Variants in DAB2IP observed in about 807,000 individuals in gnomAD.
DAB2IP encodes DAB2 interacting protein, also known as disabled homolog 2-interacting protein.
In DAB2IP, 28 loss-of-function variants were observed where a neutral mutation model predicts 107.2. The ratio of observed to expected loss-of-function variants is 0.26; its 90% CI spans 0.19 to 0.36. The LOEUF (loss-of-function observed/expected upper bound fraction) is 0.36. Among genes scored for constraint, DAB2IP ranks in the 10% least tolerant of loss-of-function variants. The probability of loss-of-function intolerance (pLI) is 1.00; values close to 1 mark genes in which losing one functional copy is unlikely to be tolerated. For missense variants in DAB2IP, 1,400 were observed against 1,644.7 expected (o/e 0.85, Z 2.57); for synonymous variants, 755 against 706.4 (o/e 1.07, Z -1.09).
chr9:121,743,895 A>G (rs1462713395), intron 3 of DAB2IP, among the ~76,000 whole-genome samples: 2 of 149,206 alleles, frequency 1.3e-5, no homozygotes, highest in Non-Finnish European at 3.0e-5. Flanking sequence ...GCAGACATCC[A>G]CTGCCGGCCC....
chr9:121,760,631 A>G lies in DAB2IP; in HGVS notation c.1170+192A>G, dbSNP rs1462794332. 3.9e-5 allele frequency among the ~76,000 whole-genome samples: 6 copies of G among 152,238 alleles called. No individual in the cohort carries two copies. The East Asian group carries it at 1.2e-3, about 29-fold the overall frequency. ...TACTCCTGCTCTGTGGCTGGAGCTG[A>G]TCACTGAGGCCTGTGTGGAGCCAGT... is the stretch of plus-strand genomic sequence containing the variant. On this transcript the variant is annotated intron_variant, in intron 6 of 15. Coordinates refer to ENST00000408936, the Ensembl canonical transcript of DAB2IP. This position sits in a 1 kb window ranked among gnomAD's most constrained non-coding sequence, Gnocchi z 5.9.
chr9:121,778,019 G>GGCTGCT (rs1034216592), intron 14 of DAB2IP, among the ~76,000 whole-genome samples: 2 of 152,108 alleles, frequency 1.3e-5, no homozygotes, highest in African/African-American at 4.8e-5. Flanking sequence ...GGTCCATTCA[G>GGCTGCT]GCTGCTATAA....
intron 9 of DAB2IP, among the ~76,000 whole-genome samples, chr9:121,767,492 G>A (rs988014065): frequency 6.6e-6 from 1 of 152,242 alleles, no homozygotes; most frequent in Admixed American, 6.5e-5. Flanking sequence ...CTGCATGTCA[G>A]GGTGAGGCGT....
chr9:121,708,949 T>A (rs1830192978), intron 3 of DAB2IP, among the ~76,000 whole-genome samples: 3 of 152,080 alleles, frequency 2.0e-5, no homozygotes, highest in Non-Finnish European at 4.4e-5. Context: ...GCTAGGGTAG[T>A]GGGAGGTGAT....
At chr9:121,770,276 A>G (rs910785914) in intron 10 of DAB2IP, among the ~76,000 whole-genome samples, 4 of 152,194 alleles carry the variant, frequency 2.6e-5, no homozygotes, top group Non-Finnish European at 5.9e-5. Flanking sequence ...GGGCAGGGCA[A>G]ACTGAAGGAG....
At chr9:121,739,447 T>C (rs1042186527) in intron 3 of DAB2IP, among the ~76,000 whole-genome samples, 2 of 152,192 alleles carry the variant, frequency 1.3e-5, no homozygotes, top group African/African-American at 4.8e-5. Context: ...AGTTCAGTAA[T>C]CTGATTTGCA....
chr9:121,680,611 G>A (rs1449158815), intron 2 of DAB2IP, among the ~76,000 whole-genome samples: 1 of 152,152 alleles, frequency 6.6e-6, no homozygotes, highest in Non-Finnish European at 1.5e-5. Flanking sequence ...CAGGCAGGGT[G>A]GGCCTTCAGG....
chr9:121,679,541 C>T (rs1206572607), intron 2 of DAB2IP, among the ~76,000 whole-genome samples: 1 of 151,984 alleles, frequency 6.6e-6, no homozygotes, highest in East Asian at 1.9e-4. Flanking sequence ...AGAAACGCAG[C>T]GATGACATAG....
At chr9:121,713,146 A>G (rs1830418748) in intron 3 of DAB2IP, among the ~76,000 whole-genome samples, 1 of 152,046 alleles carries the variant, frequency 6.6e-6, no homozygotes, top group African/African-American at 2.4e-5. Context: ...CATTTTATAG[A>G]TAAGGTAACT....
rs143911339 is a variant in DAB2IP, at chr9:121,678,205, C to T, written c.125-473C>T. 2.5e-4 allele frequency among the ~76,000 whole-genome samples: 38 copies of T among 152,338 alleles called. No homozygotes were observed. In the East Asian group the frequency reaches 6.6e-3, roughly 26 times the overall value. On this transcript the variant is annotated intron_variant, in intron 1 of 15. Transcript: ENST00000408936. The stretch of plus-strand genomic sequence containing the variant: ...ACTTCAAATCTGCTTTCTGTCTCTA[C>T]GAATTGGCCTCTTCTAGATAGTTCA...
At chr9:121,570,977 G>A (rs1829926200) in intron 1 of DAB2IP, among the ~76,000 whole-genome samples, 1 of 151,984 alleles carries the variant, frequency 6.6e-6, no homozygotes, top group South Asian at 2.1e-4. Flanking sequence ...GCTCCTTCAT[G>A]ATTGAACTCT....
chr9:121,677,808 C>T (rs1296409823), intron 1 of DAB2IP, among the ~76,000 whole-genome samples: 1 of 152,008 alleles, frequency 6.6e-6, no homozygotes, highest in African/African-American at 2.4e-5. Context: ...ACTACAGGCA[C>T]ACAACACCAC....
intron 9 of DAB2IP, among the ~76,000 whole-genome samples, chr9:121,767,809 G>A (rs950132781): frequency 1.3e-5 from 2 of 152,206 alleles, no homozygotes; most frequent in African/African-American, 4.8e-5. Context: ...AGGGAGGGGA[G>A]CGGGTACAGG....
rs572737397 is a variant in DAB2IP, at chr9:121,742,550, T to C, written c.363-14463T>C. Among the ~76,000 whole-genome samples the C allele has an allele frequency of 3.3e-5, 5 of 152,322 alleles. No homozygotes were observed. The South Asian group carries it at 8.3e-4, about 25-fold the overall frequency. On this transcript the variant is annotated intron_variant, in intron 3 of 15. Transcript: ENST00000408936. ...GCTGAGACGCAGACAGTCCAGTCTCTCTTCCCTTCCTCTCCCCATCCCACT... is the reference window on the plus strand; with the variant it reads ...GCTGAGACGCAGACAGTCCAGTCTCCCTTCCCTTCCTCTCCCCATCCCACT...
At chr9:121,751,908 T>TC in intron 3 of DAB2IP, 1 of 985,400 alleles carries the variant, frequency 1.0e-6, no homozygotes, top group Non-Finnish European at 1.2e-6. Flanking sequence ...GCCTTGGCTG[T>TC]CCCGTGTGTG....
intron 6 of DAB2IP, 78 bp from the exon 7 acceptor site, chr9:121,763,427 C>T (rs1275011257): frequency 6.6e-7 from 1 of 1,521,178 alleles, no homozygotes; most frequent in African/African-American, 1.4e-5. Context: ...CAGGACTTCT[C>T]TGGCTAGGTC....
chr9:121,594,115 C>T (rs775928304), intron 1 of DAB2IP, among the ~76,000 whole-genome samples: 3 of 152,118 alleles, frequency 2.0e-5, no homozygotes, highest in Admixed American at 6.5e-5. Context: ...TTATAATAAC[C>T]CTTGTGATAA....
intron 1 of DAB2IP, among the ~76,000 whole-genome samples, chr9:121,653,594 C>G (rs1185812310): frequency 6.6e-6 from 1 of 152,168 alleles, no homozygotes; most frequent in Non-Finnish European, 1.5e-5. Flanking sequence ...TCAGACCACC[C>G]TGGGGCCTCT....
intron 14 of DAB2IP, among the ~76,000 whole-genome samples, chr9:121,780,411 A>G (rs1835527745): frequency 6.6e-6 from 1 of 152,160 alleles, no homozygotes; most frequent in South Asian, 2.1e-4. Flanking sequence ...AGTCCCGTGC[A>G]GAACCGGCCC....
Sources: gnomAD v4.1 joint callset for allele counts (sites outside exome capture counted in the v4.1 genomes callset) on GRCh38, gnomAD v4.1.1 for gene constraint, Gnocchi (gnomAD v3.1) non-coding constraint, MANE v1.5 for transcripts, NCBI Gene and HGNC (gene_info 2026-07-23, HGNC 2026-07-21) for gene names.